USP42: variants seen among roughly 807,000 people sequenced by gnomAD.
The protein encoded by USP42 is ubiquitin carboxyl-terminal hydrolase 42.
A neutral mutation model predicts 113.0 loss-of-function variants in USP42; 23 were observed. The ratio of observed to expected loss-of-function variants is 0.20; its 90% CI spans 0.15 to 0.29. USP42 has a LOEUF of 0.29. Among genes scored for constraint, USP42 ranks in the 10% least tolerant of loss-of-function variants. The probability of loss-of-function intolerance (pLI) is 1.00; values close to 1 mark genes in which losing one functional copy is unlikely to be tolerated. For synonymous variants in USP42, 933 were observed against 699.0 expected (o/e 1.33, Z -5.28); for missense variants, 2,174 against 1,779.8 (o/e 1.22, Z -3.99).
At position 6,145,775 on chromosome 7, in the gene USP42, A is replaced by T; in HGVS notation, c.1131+119A>T. 3 of 1,197,306 alleles carry T rather than the reference A, an allele frequency of 2.5e-6. No individual in the cohort carries two copies. The South Asian group carries it at 4.4e-5, about 17-fold the overall frequency. The allele number at this position is 1,197,306 out of a possible 1,614,324, so 74.2% of individuals were successfully genotyped here. A position where few individuals can be genotyped will look rare whatever the true frequency, so the allele number is the denominator to read the frequency against. ...GTTAAAATGTGAATACCCGAGGTAA[A>T]AATATTTCTCTTGGCCGGGCGCAGT... is the stretch of plus-strand genomic sequence containing the variant. On this transcript the variant is annotated intron_variant, in intron 10 of 17. Transcript: ENST00000306177.
chr7:6,123,832 CAAAAAAAAA>C (rs34032326), intron 3 of USP42, among the ~76,000 whole-genome samples: 1 of 72,766 alleles, frequency 1.4e-5, no homozygotes, highest in East Asian at 3.7e-4. Context: ...GACCCTGTCT[CAAAAAAAAA>C]AAAAAAAAAA....
At chr7:6,106,433 T>C (rs1036133794) in intron 1 of USP42, among the ~76,000 whole-genome samples, 1 of 152,246 alleles carries the variant, frequency 6.6e-6, no homozygotes, top group African/African-American at 2.4e-5. Flanking sequence ...TAATGCATTC[T>C]AGCATTTGAT....
At chr7:6,118,787 G>A (rs938988569) in intron 3 of USP42, among the ~76,000 whole-genome samples, 3 of 152,050 alleles carry the variant, frequency 2.0e-5, no homozygotes, top group Admixed American at 1.3e-4. Flanking sequence ...AAAATCAGGT[G>A]ATTGAAGCAC....
intron 3 of USP42, among the ~76,000 whole-genome samples, chr7:6,118,532 AAAGAC>A (rs1287507694): frequency 5.9e-5 from 9 of 152,076 alleles, no homozygotes; most frequent in Admixed American, 3.3e-4. Context: ...GGAAAAAAGA[AAAGAC>A]AAGAAAAAAA....
chr7:6,150,979 CAGACCT>C (rs1481554139), intron 14 of USP42, among the ~76,000 whole-genome samples: 2 of 152,250 alleles, frequency 1.3e-5, no homozygotes, highest in Non-Finnish European at 2.9e-5. Flanking sequence ...GTGTGTCACA[CAGACCT>C]AGATGGTGTG....
At chr7:6,147,487 G>A (rs192203714) in intron 11 of USP42, among the ~76,000 whole-genome samples, 41 of 152,292 alleles carry the variant, frequency 2.7e-4, no homozygotes, top group Admixed American at 5.2e-4. Flanking sequence ...ATACCTTTCA[G>A]ATGAAACAGC....
chr7:6,082,850 G>A, the USP42 span, among the ~76,000 whole-genome samples: 1 of 148,238 alleles, frequency 6.7e-6, no homozygotes, highest in Admixed American at 6.7e-5. Flanking sequence ...AGCTCAGGCA[G>A]TCTACCTGCC....
rs1399218618 is a variant in USP42, at chr7:6,159,577, T to C, written c.*36+84T>C. Reference sequence around the variant, plus strand: ...CAGAGGAGTTTTAATTCTGCGGCTCTGCCTGGGGGCTGGGCTCATAGGAGT... The same window carrying C: ...CAGAGGAGTTTTAATTCTGCGGCTCCGCCTGGGGGCTGGGCTCATAGGAGT... On this transcript the variant is annotated intron_variant, in intron 17 of 17. Transcript: ENST00000306177. The surrounding 1 kb of genome is among the most constrained non-coding windows in gnomAD (Gnocchi z 4.1). The C allele has an allele frequency of 7.2e-7, 1 of 1,391,256 alleles. No individual in the cohort carries two copies. The highest frequency in any genetic ancestry group is 2.3e-5 in the East Asian group (1 of 43,624). The allele number at this position is 1,391,256 out of a possible 1,614,324, so 86.2% of individuals were successfully genotyped here.
chr7:6,081,272 T>C, the USP42 span: 1 of 151,930 alleles, frequency 6.6e-6, no homozygotes, highest in Non-Finnish European at 1.5e-5. Context: ...CTAACGGAGG[T>C]GAGCTGGACA....
the USP42 span, among the ~76,000 whole-genome samples, chr7:6,085,420 C>T: frequency 1.3e-5 from 2 of 150,612 alleles, no homozygotes; most frequent in Non-Finnish European, 2.9e-5. Context: ...CCACCGTGCC[C>T]GGCCACCATC....
chr7:6,123,491 G>A (rs1780350382), intron 3 of USP42, among the ~76,000 whole-genome samples: 1 of 151,846 alleles, frequency 6.6e-6, no homozygotes, highest in South Asian at 2.1e-4. Context: ...GTGAAACCCC[G>A]TCTCTACTAA....
chr7:6,108,497 T>C (rs969608086), intron 1 of USP42, among the ~76,000 whole-genome samples: 3 of 152,174 alleles, frequency 2.0e-5, no homozygotes, highest in Non-Finnish European at 2.9e-5. Flanking sequence ...TCCTTTTCTT[T>C]TAAAGACAGA....
At chr7:6,103,136 C>G (rs1790181024), upstream of USP42, among the ~76,000 whole-genome samples, 1 of 151,058 alleles carries the variant, frequency 6.6e-6, no homozygotes, top group Non-Finnish European at 1.5e-5. Context: ...CAGAGATGAA[C>G]TAGCTCTGTT....
upstream of USP42, among the ~76,000 whole-genome samples, chr7:6,102,979 G>A (rs1242788192): frequency 1.3e-5 from 2 of 150,980 alleles, no homozygotes; most frequent in Non-Finnish European, 2.9e-5. Context: ...GCAGCCGCTG[G>A]GGAGGCCAGG....
At chr7:6,128,347 C>G (rs2128492750) in intron 3 of USP42, 1 of 151,766 alleles carries the variant, frequency 6.6e-6, no homozygotes, top group Non-Finnish European at 1.5e-5. Flanking sequence ...ACTGCACCCT[C>G]CAACTCCTGG....
At chr7:6,123,832 CAAAAAAAAAA>C in intron 3 of USP42, among the ~76,000 whole-genome samples, 1 of 72,764 alleles carries the variant, frequency 1.4e-5, no homozygotes, top group African/African-American at 4.1e-5. Context: ...GACCCTGTCT[CAAAAAAAAAA>C]AAAAAAAAAG....
At position 6,154,575 on chromosome 7, in the gene USP42, C is replaced by T. The variant is rs759014605; in HGVS notation, c.3021C>T (p.Ser1007=). 20 of 1,560,440 alleles carry T rather than the reference C, an allele frequency of 1.3e-5. No homozygotes were observed. The South Asian group carries it at 2.4e-4, about 18-fold the overall frequency. The change falls in exon 15 of 18, where the codon AGC becomes AGT. Residue 1007 remains serine (S), a synonymous_variant. Coordinates refer to ENST00000306177, the MANE Select transcript of USP42 (RefSeq NM_032172.3). ...EHHPGHGDRL[S]PGERRSLGRC... ...ACCCCGGCCACGGCGACAGGCTCAG[C>T]CCTGGCGAGCGCCGCTCTCTGGGCA...
intron 8 of USP42, 26 bp from the exon 9 acceptor site, chr7:6,144,059 A>G: frequency 7.0e-7 from 1 of 1,435,916 alleles, no homozygotes; most frequent in Non-Finnish European, 9.4e-7. Flanking sequence ...TCGTCTTCTT[A>G]TACTTTTGTT....
At chr7:6,100,004 C>CTGTTTTTATTAT (rs1554332998), upstream of USP42, among the ~76,000 whole-genome samples, 4 of 144,290 alleles carry the variant, frequency 2.8e-5, 1 homozygote, top group African/African-American at 1.1e-4. Flanking sequence ...TTTCACAAGT[C>CTGTTTTTATTAT]TATTATTATT....
Sources: gnomAD v4.1 joint callset for allele counts (sites outside exome capture counted in the v4.1 genomes callset) on GRCh38, gnomAD v4.1.1 for gene constraint, Gnocchi (gnomAD v3.1) non-coding constraint, MANE v1.5 for transcripts, NCBI Gene and HGNC (gene_info 2026-07-23, HGNC 2026-07-21) for gene names.